The following PACSIN2 variants were observed in gnomAD, a reference collection of about 807,000 sequenced individuals.
The protein encoded by PACSIN2 is protein kinase C and casein kinase substrate in neurons 2, also known as protein kinase C and casein kinase substrate in neurons protein 2.
Under a neutral mutation model 63.8 loss-of-function variants are expected in PACSIN2, and 25 were observed. The observed-to-expected ratio is 0.39, with a 90% confidence interval of 0.29 to 0.55. PACSIN2 has a LOEUF of 0.55. Among genes scored for constraint, PACSIN2 ranks in the 20% least tolerant of loss-of-function variants. The pLI, the probability that PACSIN2 is intolerant of heterozygous loss-of-function variation, is 0.62. For missense variants in PACSIN2, 518 were observed against 646.9 expected, an observed-to-expected ratio of 0.80 and a Z score of 2.16; for synonymous variants, 255 against 256.2, an observed-to-expected ratio of 1.00 and a Z score of 0.05.
At chr22:42,926,611 A>C (rs985056513) in intron 1 of PACSIN2, among the ~76,000 whole-genome samples, 3 of 151,996 alleles carry the variant, frequency 2.0e-5, no homozygotes, top group African/African-American at 7.3e-5. Context: ...AGAAAAAGAG[A>C]GGGGGGAAAA....
At chr22:42,910,023 C>T (rs1313784346) in intron 2 of PACSIN2, among the ~76,000 whole-genome samples, 1 of 152,108 alleles carries the variant, frequency 6.6e-6, no homozygotes, top group East Asian at 1.9e-4. Flanking sequence ...ATATGGGTAC[C>T]GTTATTACCC....
At chr22:42,913,340 G>C (rs571552935) in intron 1 of PACSIN2, among the ~76,000 whole-genome samples, 1 of 152,120 alleles carries the variant, frequency 6.6e-6, no homozygotes, top group South Asian at 2.1e-4. Context: ...TTAGCCAAGC[G>C]TGGTGGCATG....
intron 1 of PACSIN2, among the ~76,000 whole-genome samples, chr22:42,925,480 TAA>T (rs57374574): frequency 3.5e-4 from 47 of 134,176 alleles, no homozygotes; most frequent in Admixed American, 3.0e-4. Flanking sequence ...ACTCCGTCTT[TAA>T]AAAAAAAAAA....
At chr22:43,014,337 C>G (rs55853451) in intron 1 of PACSIN2, among the ~76,000 whole-genome samples, 374 of 32,652 alleles carry the variant, frequency 0.011, 7 homozygotes, top group African/African-American at 0.051. Flanking sequence ...CACACACACA[C>G]ACACACACAC....
At chr22:42,926,316 C>T (rs1479595285) in intron 1 of PACSIN2, among the ~76,000 whole-genome samples, 1 of 152,118 alleles carries the variant, frequency 6.6e-6, no homozygotes, top group Admixed American at 6.5e-5. Flanking sequence ...CTAGGCCCTC[C>T]AGAAGCACCC....
rs10678680 is a variant in PACSIN2 at position 42,961,447 on chromosome 22, T to TAAAA, written c.-77-49294_-77-49291dup. 8.9e-4 allele frequency among the ~76,000 whole-genome samples: 108 copies of TAAAA among 121,160 alleles called. 1 individual carries two copies. Among genetic ancestry groups the TAAAA allele is most frequent in the East Asian group, 2.9e-3 (12 of 4,156 alleles). The allele number at this position is 121,160 out of a possible 152,430, so 79.5% of individuals were successfully genotyped here. On this transcript the variant is annotated intron_variant, in intron 1 of 10. Transcript: ENST00000263246. Reference sequence around the variant, plus strand: ...TGAGAAACACCCAAGAATGATCAATTAAAAAAAAAAAAAAAAAAAAATCTT... The same window carrying TAAAA: ...TGAGAAACACCCAAGAATGATCAATTAAAAAAAAAAAAAAAAAAAAAAAAATCTT...
intron 1 of PACSIN2, among the ~76,000 whole-genome samples, chr22:43,013,094 G>C (rs1473962598): frequency 6.6e-6 from 1 of 152,200 alleles, no homozygotes; most frequent in African/African-American, 2.4e-5. Context: ...GCCCAGCCTA[G>C]ATTATTTAAA....
At chr22:42,888,143 G>C (rs1929628507) in intron 5 of PACSIN2, among the ~76,000 whole-genome samples, 2 of 151,950 alleles carry the variant, frequency 1.3e-5, no homozygotes, top group African/African-American at 4.8e-5. Flanking sequence ...CCAGGCTCAG[G>C]CCTTCCTGAG....
At chr22:42,989,899 CAT>C (rs767089441) in intron 1 of PACSIN2, among the ~76,000 whole-genome samples, 6 of 147,012 alleles carry the variant, frequency 4.1e-5, no homozygotes, top group African/African-American at 1.5e-4. Flanking sequence ...CACACACACA[CAT>C]ATATGTATAT....
chr22:42,926,293 A>G (rs550572747), intron 1 of PACSIN2, among the ~76,000 whole-genome samples: 1 of 152,328 alleles, frequency 6.6e-6, no homozygotes, highest in South Asian at 2.1e-4. Flanking sequence ...TGAGGCCTAG[A>G]GCTCAGCAGG....
At chr22:42,916,891 G>A (rs1235093675) in intron 1 of PACSIN2, among the ~76,000 whole-genome samples, 1 of 152,174 alleles carries the variant, frequency 6.6e-6, no homozygotes, top group Non-Finnish European at 1.5e-5. Context: ...CCACCCGAAG[G>A]TACTCGGAAA....
intron 1 of PACSIN2, among the ~76,000 whole-genome samples, chr22:42,926,451 A>G (rs1932541219): frequency 6.6e-6 from 1 of 152,172 alleles, no homozygotes; most frequent in African/African-American, 2.4e-5. Context: ...AAACCAGAGG[A>G]TTTCAAACCA....
intron 2 of PACSIN2, chr22:42,909,361 C>G: frequency 2.8e-6 from 1 of 357,544 alleles, no homozygotes; most frequent in Middle Eastern, 8.7e-4. Flanking sequence ...AACTTTTCCA[C>G]CTCAAGACCA....
intron 1 of PACSIN2, among the ~76,000 whole-genome samples, chr22:43,014,497 C>T (rs1336073813): frequency 6.6e-6 from 1 of 151,852 alleles, no homozygotes; most frequent in Non-Finnish European, 1.5e-5. Context: ...AAGCCCTGCC[C>T]TCTCACCGGC....
At position 42,870,490 on chromosome 22, in the gene PACSIN2, T is replaced by G. The variant is rs1263919778; in HGVS notation, c.*867A>C. 1 of 152,246 alleles carries G rather than the reference T, an allele frequency of 6.6e-6. No homozygotes were observed. Among genetic ancestry groups the G allele is most frequent in the Non-Finnish European group, 1.5e-5 (1 of 68,048 alleles). 9.4% of individuals were successfully genotyped at this position (152,246 alleles called of 1,614,324 possible). On this transcript the variant is annotated 3_prime_UTR_variant, in exon 11 of 11. Transcript: ENST00000263246. ...TCAAATAATATATACAGATAGACACTGAGACATGACAGTCTAATCTAAAGC... is the reference window on the plus strand; with the variant it reads ...TCAAATAATATATACAGATAGACACGGAGACATGACAGTCTAATCTAAAGC...
chr22:42,928,849 A>G (rs1180073579), intron 1 of PACSIN2, among the ~76,000 whole-genome samples: 1 of 152,220 alleles, frequency 6.6e-6, no homozygotes, highest in Non-Finnish European at 1.5e-5. Flanking sequence ...CAGTGCCAAA[A>G]TTTAGAAGCC....
intron 1 of PACSIN2, among the ~76,000 whole-genome samples, chr22:42,993,998 T>A (rs1340796665): frequency 6.6e-6 from 1 of 152,110 alleles, no homozygotes; most frequent in African/African-American, 2.4e-5. Context: ...GTTCCATAAG[T>A]CAACATTAAA....
intron 1 of PACSIN2, among the ~76,000 whole-genome samples, chr22:42,924,011 C>G (rs974458240): frequency 6.2e-4 from 93 of 149,532 alleles, no homozygotes; most frequent in Non-Finnish European, 1.8e-4. Flanking sequence ...CACTGCACTT[C>G]AATCTGGGTG....
intron 3 of PACSIN2, 73 bp from the exon 4 acceptor site, chr22:42,891,255 T>G: frequency 2.1e-6 from 2 of 940,548 alleles, no homozygotes; most frequent in Non-Finnish European, 3.3e-6. Flanking sequence ...ACACCTCGGC[T>G]GTTCAATGTG....
Sources: allele counts gnomAD v4.1 joint callset (sites outside exome capture counted in the v4.1 genomes callset), GRCh38; gene constraint gnomAD v4.1.1; transcripts MANE v1.5; gene names NCBI Gene and HGNC (gene_info 2026-07-23, HGNC 2026-07-21).